The following FHIT variants were observed in gnomAD, a reference collection of about 807,000 sequenced individuals.
The protein encoded by FHIT is fragile histidine triad diadenosine triphosphatase, also known as bis(5'-adenosyl)-triphosphatase.
In FHIT, 19 loss-of-function variants were observed where a neutral mutation model predicts 17.9. That is an observed-to-expected ratio of 1.06 (90% CI 0.74 to 1.56). FHIT has a LOEUF of 1.56. FHIT is among the 40% of genes most tolerant of loss of function. The pLI is 0.00. For synonymous variants in FHIT, 81 were observed against 69.7 expected (o/e 1.16, Z -0.81); for missense variants, 248 against 189.2 (o/e 1.31, Z -1.82).
intron 5 of FHIT, among the ~76,000 whole-genome samples, chr3:60,288,960 G>C (rs1039460577): frequency 1.3e-5 from 2 of 152,030 alleles, no homozygotes; most frequent in Non-Finnish European, 2.9e-5. Flanking sequence ...ATGCCACCGT[G>C]GTCTTTTGCC....
intron 8 of FHIT, among the ~76,000 whole-genome samples, chr3:59,905,811 T>A (rs994323735): frequency 2.0e-5 from 3 of 152,160 alleles, no homozygotes; most frequent in African/African-American, 7.2e-5. Flanking sequence ...CTTAAAGACA[T>A]TTAGCACCTC....
chr3:61,148,148 T>C (rs1010933697), intron 2 of FHIT, among the ~76,000 whole-genome samples: 1 of 152,026 alleles, frequency 6.6e-6, no homozygotes, highest in Admixed American at 6.5e-5. Flanking sequence ...TTTTTATTAA[T>C]GTTCGAAACA....
intron 6 of FHIT, among the ~76,000 whole-genome samples, chr3:60,011,889 T>C (rs1031374593): frequency 5.3e-5 from 8 of 152,222 alleles, no homozygotes; most frequent in Non-Finnish European, 8.8e-5. Context: ...GTAGTGTTCA[T>C]TGTAGCTGGA....
rs547193835 is a variant in FHIT at position 60,347,486 on chromosome 3, G to C, written c.103+189374C>G. Among the ~76,000 whole-genome samples, 6 of 151,964 alleles carry C rather than the reference G, an allele frequency of 3.9e-5. No homozygotes were observed. The South Asian group carries it at 1.0e-3, about 27-fold the overall frequency. On this transcript the variant is annotated intron_variant, in intron 5 of 9. Transcript: ENST00000492590. The stretch of plus-strand genomic sequence containing the variant: ...TCAACTTAGCAAGTGCTGGGGGGAC[G>C]ATTACTCATGCAATTTACTAAAACA...
intron 5 of FHIT, among the ~76,000 whole-genome samples, chr3:60,514,782 C>G (rs2035087614): frequency 6.6e-6 from 1 of 152,064 alleles, no homozygotes; most frequent in South Asian, 2.1e-4. Context: ...GGAGAGAAAT[C>G]TTTCCAGATC....
intron 4 of FHIT, among the ~76,000 whole-genome samples, chr3:60,679,890 T>C (rs1239137085): frequency 1.3e-5 from 2 of 152,176 alleles, no homozygotes; most frequent in African/African-American, 2.4e-5. Context: ...TTTCAAAACA[T>C]CTTTACTCAA....
In FHIT at chr3:60,329,813, C is replaced by G. The variant is rs150861991; in HGVS notation, c.103+207047G>C. Among the ~76,000 whole-genome samples, 552 of 152,318 alleles carry G rather than the reference C, an allele frequency of 3.6e-3. 4 individuals carry two copies. The highest frequency in any genetic ancestry group is 0.013 in the African/African-American group (529 of 41,572). On this transcript the variant is annotated intron_variant, in intron 5 of 9. Transcript: ENST00000492590. Reference sequence around the variant, plus strand: ...CCTCCAGACAGTTTAAGAAACTTCTCAGAAGACTAGACACACACTTTGTGG... The same window carrying G: ...CCTCCAGACAGTTTAAGAAACTTCTGAGAAGACTAGACACACACTTTGTGG...
At chr3:60,843,623 G>C (rs1315576598) in intron 3 of FHIT, among the ~76,000 whole-genome samples, 2 of 152,156 alleles carry the variant, frequency 1.3e-5, no homozygotes, top group African/African-American at 4.8e-5. Context: ...GGGACACCTG[G>C]ATAACTAGAA....
intron 8 of FHIT, among the ~76,000 whole-genome samples, chr3:59,889,064 A>G (rs778393150): frequency 1.4e-4 from 22 of 152,328 alleles, no homozygotes; most frequent in African/African-American, 3.6e-4. Flanking sequence ...CCATCTGTCA[A>G]TACTGTTGTT....
intron 5 of FHIT, among the ~76,000 whole-genome samples, chr3:60,492,146 T>C (rs1488211994): frequency 6.6e-6 from 1 of 152,202 alleles, no homozygotes; most frequent in Admixed American, 6.5e-5. Context: ...AAAAATCCTA[T>C]TGTGTTCAAG....
chr3:60,418,422 A>T (rs1253558927), intron 5 of FHIT, among the ~76,000 whole-genome samples: 1 of 30,940 alleles, frequency 3.2e-5, no homozygotes. Context: ...ATATATATAT[A>T]TATACGTGTA....
chr3:60,622,344 T>G (rs983699430), intron 4 of FHIT, among the ~76,000 whole-genome samples: 1 of 151,924 alleles, frequency 6.6e-6, no homozygotes, highest in African/African-American at 2.4e-5. Flanking sequence ...TTTATGTGGA[T>G]TTTTTGAAAC....
chr3:60,863,764 A>G (rs1704033863), intron 3 of FHIT, among the ~76,000 whole-genome samples: 1 of 152,204 alleles, frequency 6.6e-6, no homozygotes, highest in South Asian at 2.1e-4. Flanking sequence ...ACATTCAACA[A>G]TAATGCAAAG....
chr3:59,964,533 T>G (rs1328498286), intron 7 of FHIT, among the ~76,000 whole-genome samples: 2 of 152,150 alleles, frequency 1.3e-5, no homozygotes, highest in African/African-American at 4.8e-5. Flanking sequence ...TTAAGAATTT[T>G]GGTGGGAAGT....
chr3:60,472,316 T>A (rs116001999), intron 5 of FHIT, among the ~76,000 whole-genome samples: 2,319 of 152,246 alleles, frequency 0.015, 60 homozygotes, highest in African/African-American at 0.052. Flanking sequence ...AAGGTTTGCA[T>A]GTCTTCAAAC....
chr3:61,210,459 G>A (rs1220340858), intron 1 of FHIT, among the ~76,000 whole-genome samples: 1 of 152,204 alleles, frequency 6.6e-6, no homozygotes, highest in East Asian at 1.9e-4. Flanking sequence ...TCCACCCAGA[G>A]CGAGCTTCCT....
At chr3:60,027,140 C>CAAAAA (rs1209851135) in intron 5 of FHIT, among the ~76,000 whole-genome samples, 4 of 116,730 alleles carry the variant, frequency 3.4e-5, no homozygotes, top group Non-Finnish European at 6.9e-5. Context: ...CACACACACA[C>CAAAAA]ACACACACAA....
In FHIT at chr3:61,052,366, C is replaced by T. The variant is rs2034058414; in HGVS notation, c.-163-10267G>A. On this transcript the variant is annotated intron_variant, in intron 2 of 9. Coordinates refer to ENST00000492590, the MANE Select transcript of FHIT (RefSeq NM_002012.4). ...CCTTTAGAAAGACTTGCTAACTGGC[C>T]CAAGTTCGACAGCCGGTAAATAGCA... Among the ~76,000 whole-genome samples, 3 of 152,188 alleles carry T rather than the reference C, an allele frequency of 2.0e-5. 1 individual carries two copies. The South Asian group carries it at 6.2e-4, about 32-fold the overall frequency.
chr3:59,768,509 AT>A (rs1701913899), intron 8 of FHIT, among the ~76,000 whole-genome samples: 1 of 152,174 alleles, frequency 6.6e-6, no homozygotes, highest in Non-Finnish European at 1.5e-5. Context: ...AGATGGTTCC[AT>A]TTCAGGACAC....
Sources: allele counts gnomAD v4.1 joint callset (sites outside exome capture counted in the v4.1 genomes callset), GRCh38; gene constraint gnomAD v4.1.1; transcripts MANE v1.5; gene names NCBI Gene and HGNC (gene_info 2026-07-23, HGNC 2026-07-21).